LIMS1: variants seen among roughly 807,000 people sequenced by gnomAD.
LIMS1 encodes LIM zinc finger domain containing 1.
A neutral mutation model predicts 44.1 loss-of-function variants in LIMS1; 18 were observed. The ratio of observed to expected loss-of-function variants is 0.41; its 90% CI spans 0.28 to 0.61. The LOEUF (loss-of-function observed/expected upper bound fraction) is 0.61, where lower values mean the gene tolerates loss of function less well. Among genes scored for constraint, LIMS1 ranks in the 20% least tolerant of loss-of-function variants. The pLI is 0.32. For synonymous variants in LIMS1, 93 were observed against 149.1 expected, an observed-to-expected ratio of 0.62 and a Z score of 2.74; for missense variants, 201 against 422.0, an observed-to-expected ratio of 0.48 and a Z score of 4.59.
chr2:108,601,491 G>A (rs1461952794), intron 1 of LIMS1, among the ~76,000 whole-genome samples: 4 of 152,170 alleles, frequency 2.6e-5, no homozygotes, highest in Admixed American at 6.5e-5. Flanking sequence ...TTGTTTTTGC[G>A]ATTGTCTATT....
intron 1 of LIMS1, among the ~76,000 whole-genome samples, chr2:108,567,395 A>C (rs1685329807): frequency 6.6e-6 from 1 of 152,162 alleles, no homozygotes; most frequent in African/African-American, 2.4e-5. Flanking sequence ...GCCACCTGCA[A>C]CCCTGAACTA....
At chr2:108,573,137 T>C (rs1471497534) in intron 1 of LIMS1, among the ~76,000 whole-genome samples, 1 of 152,236 alleles carries the variant, frequency 6.6e-6, no homozygotes. Context: ...TTGTTTCTCT[T>C]TATATTCAGC....
intron 1 of LIMS1, among the ~76,000 whole-genome samples, chr2:108,609,911 G>A (rs111999498): frequency 1.8e-4 from 28 of 152,248 alleles, no homozygotes; most frequent in African/African-American, 5.3e-4. Context: ...GGGAGGCCGA[G>A]GTGGGCGGAT....
chr2:108,576,093 AG>A (rs1485799121), intron 1 of LIMS1, among the ~76,000 whole-genome samples: 1 of 152,200 alleles, frequency 6.6e-6, no homozygotes, highest in Non-Finnish European at 1.5e-5. Context: ...TACTCATTTT[AG>A]TACTGTTCTT....
intron 1 of LIMS1, chr2:108,659,308 C>T (rs1465195652): frequency 3.4e-6 from 1 of 297,334 alleles, no homozygotes; most frequent in Non-Finnish European, 5.0e-6. Context: ...TCATCTCTGT[C>T]TCAGGTGCCT....
At chr2:108,684,088 G>A (rs1471453169) in exon 10 of LIMS1, 2 of 663,930 alleles carry the variant, frequency 3.0e-6, no homozygotes, top group Admixed American at 3.2e-5. Context: ...ATATCTCAAA[G>A]CAGTTGAGAG....
chr2:108,614,820 A>G (rs994567041), intron 1 of LIMS1, among the ~76,000 whole-genome samples: 1 of 152,198 alleles, frequency 6.6e-6, no homozygotes, highest in African/African-American at 2.4e-5. Context: ...TGTGTTGACA[A>G]TATTGGCTAT....
intron 1 of LIMS1, among the ~76,000 whole-genome samples, chr2:108,627,477 T>C (rs1358031636): frequency 1.3e-5 from 2 of 149,876 alleles, no homozygotes; most frequent in Non-Finnish European, 1.5e-5. Context: ...AATCAATCTG[T>C]AATTTTGTTG....
chr2:108,637,892 C>T (rs1302160106), intron 1 of LIMS1, among the ~76,000 whole-genome samples: 3 of 149,284 alleles, frequency 2.0e-5, no homozygotes, highest in African/African-American at 7.4e-5. Flanking sequence ...GACAGTATCT[C>T]GCTGTGTCTC....
intron 1 of LIMS1, among the ~76,000 whole-genome samples, chr2:108,590,340 G>A (rs928186532): frequency 1.3e-5 from 2 of 152,130 alleles, no homozygotes; most frequent in African/African-American, 4.8e-5. Context: ...TCATGGATAA[G>A]AAAGAAAACA....
At chr2:108,595,564 G>A (rs1686636039) in intron 1 of LIMS1, among the ~76,000 whole-genome samples, 1 of 151,948 alleles carries the variant, frequency 6.6e-6, no homozygotes, top group African/African-American at 2.4e-5. Flanking sequence ...TGCCTACTTT[G>A]TTGCCTTTGT....
chr2:108,577,411 G>A (rs1209224220), intron 1 of LIMS1, among the ~76,000 whole-genome samples: 2 of 152,180 alleles, frequency 1.3e-5, no homozygotes, highest in Non-Finnish European at 2.9e-5. Context: ...TGTGTACATC[G>A]CAGTCTAGGA....
intron 1 of LIMS1, among the ~76,000 whole-genome samples, chr2:108,642,359 T>TG (rs1689747344): frequency 1.0e-4 from 1 of 9,836 alleles, no homozygotes; most frequent in African/African-American, 1.9e-4. Flanking sequence ...TTTTTTTTTG[T>TG]TTTTTGTTTT....
At chr2:108,676,176 TA>T (rs1308943741) in intron 6 of LIMS1, 148 bp downstream of exon 6, 1 of 1,062,786 alleles carries the variant, frequency 9.4e-7, no homozygotes, top group Non-Finnish European at 1.3e-6. Flanking sequence ...TAGGAGACTC[TA>T]AAGATTAAAC....
At chr2:108,540,006 A>T (rs765328529) in intron 1 of LIMS1, among the ~76,000 whole-genome samples, 2 of 151,944 alleles carry the variant, frequency 1.3e-5, no homozygotes, top group African/African-American at 4.8e-5. Flanking sequence ...TCAAATGAAC[A>T]TAAGATGATA....
At chr2:108,622,642 T>C (rs1280516365) in intron 1 of LIMS1, among the ~76,000 whole-genome samples, 1 of 152,142 alleles carries the variant, frequency 6.6e-6, no homozygotes, top group Non-Finnish European at 1.5e-5. Flanking sequence ...GAGTTTAAAT[T>C]GTTAAGAAGT....
intron 1 of LIMS1, among the ~76,000 whole-genome samples, chr2:108,621,674 A>G (rs1018182580): frequency 2.0e-5 from 3 of 152,234 alleles, no homozygotes; most frequent in Non-Finnish European, 2.9e-5. Context: ...AAATCCTTTA[A>G]GTTGTTTTAC....
intron 1 of LIMS1, among the ~76,000 whole-genome samples, chr2:108,548,542 A>G (rs1406594899): frequency 6.6e-6 from 1 of 152,250 alleles, no homozygotes; most frequent in Non-Finnish European, 1.5e-5. Context: ...TCATGATGAC[A>G]GAGGACGTTG....
At chr2:108,649,354 G>C (rs1690297564) in intron 1 of LIMS1, among the ~76,000 whole-genome samples, 1 of 152,212 alleles carries the variant, frequency 6.6e-6, no homozygotes, top group Non-Finnish European at 1.5e-5. Flanking sequence ...TGGAGAAATA[G>C]GAACACTTTT....
Sources: gnomAD v4.1 joint callset for allele counts (sites outside exome capture counted in the v4.1 genomes callset) on GRCh38, gnomAD v4.1.1 for gene constraint, MANE v1.5 for transcripts, NCBI Gene and HGNC (gene_info 2026-07-23, HGNC 2026-07-21) for gene names.